Variants in CYLC1 observed in about 807,000 individuals in gnomAD.
The protein encoded by CYLC1 is cylicin-1.
In CYLC1, 2 loss-of-function variants were observed where a neutral mutation model predicts 31.6. The observed-to-expected ratio is 0.06, with a 90% confidence interval of 0.03 to 0.20. The LOEUF (loss-of-function observed/expected upper bound fraction) is 0.20. Ranked by LOEUF, CYLC1 falls within the 10% of genes least tolerant of loss-of-function variation. The probability of loss-of-function intolerance (pLI) is 1.00; values close to 1 mark genes in which losing one functional copy is unlikely to be tolerated. For synonymous variants in CYLC1, 185 were observed against 153.0 expected, an observed-to-expected ratio of 1.21 and a Z score of -1.54; for missense variants, 595 against 424.1, an observed-to-expected ratio of 1.40 and a Z score of -3.54.
chrX:83,879,028 A>G (rs1319400490), intron 4 of CYLC1, among the ~76,000 whole-genome samples: 1 of 109,734 alleles, frequency 9.1e-6, no homozygotes, highest in East Asian at 2.8e-4. Context: ...TACATTTGAT[A>G]TTATGTTTAT....
chrX:83,877,658 G>C (rs1226828726), intron 4 of CYLC1, among the ~76,000 whole-genome samples: 1 of 105,768 alleles, frequency 9.5e-6, no homozygotes, highest in Non-Finnish European at 1.9e-5. Context: ...TAGTTTTTCA[G>C]CTTAAGTGTT....
At chrX:83,882,479 T>C (rs1353534079) in intron 4 of CYLC1, among the ~76,000 whole-genome samples, 1 of 111,264 alleles carries the variant, frequency 9.0e-6, no homozygotes, top group African/African-American at 3.3e-5. Context: ...CTGAATATTA[T>C]GGTCTTGTCT....
intron 4 of CYLC1, among the ~76,000 whole-genome samples, chrX:83,886,271 A>G (rs947520191): frequency 4.5e-5 from 5 of 111,573 alleles, no homozygotes; most frequent in African/African-American, 1.6e-4. Flanking sequence ...TTGGACTACC[A>G]TTCAGTACTT....
At chrX:83,865,745 C>A (rs2031584078) in intron 1 of CYLC1, among the ~76,000 whole-genome samples, 1 of 111,264 alleles carries the variant, frequency 9.0e-6, no homozygotes, top group African/African-American at 3.3e-5. Flanking sequence ...TGCATTTCTT[C>A]TGTAATCAAA....
intron 1 of CYLC1, among the ~76,000 whole-genome samples, chrX:83,864,233 A>G (rs761958446): frequency 8.9e-6 from 1 of 111,949 alleles, no homozygotes; most frequent in African/African-American, 3.2e-5. Flanking sequence ...GTTAGAACTT[A>G]AATATAAATT....
At position 83,871,432 on chromosome X, in the gene CYLC1, T is replaced by C. The variant is rs754971866; in HGVS notation, c.59-20T>C. On this transcript the variant is annotated intron_variant, in intron 2 of 4. Transcript: ENST00000329312. The stretch of plus-strand genomic sequence containing the variant: ...AATCTGACATTAACTCCAAATTGTT[T>C]ATTATCCTTTCTCATTTAGTCAGTG... 4 of 1,138,131 alleles carry C rather than the reference T, an allele frequency of 3.5e-6. No homozygotes were observed. The East Asian group carries it at 1.2e-4, about 34-fold the overall frequency. The allele number at this position is 1,138,131 out of a possible 1,213,427, so 93.8% of individuals were successfully genotyped here. A position where few individuals can be genotyped will look rare whatever the true frequency, so the allele number is the denominator to read the frequency against.
At chrX:83,876,277 T>C (rs941895453) in intron 4 of CYLC1, among the ~76,000 whole-genome samples, 3 of 110,402 alleles carry the variant, frequency 2.7e-5, no homozygotes, top group African/African-American at 6.6e-5. Context: ...CTAGGTGATA[T>C]CTTCTTTCTC....
rs767603089 is a variant in CYLC1 at position 83,873,872 on chromosome X, G to A, written c.1164G>A (p.Lys388=). ...KDARNDSRNL[K]KASKNDDKKK... ...CAAGAAATGATTCAAGAAATTTGAA[G>A]AAAGCTTCAAAGAATGATGACAAGA... Residue 388 remains lysine, a synonymous_variant, in exon 4 of 5, where the codon AAG becomes AAA. Transcript: ENST00000329312. 90 of 1,195,265 alleles carry A rather than the reference G, an allele frequency of 7.5e-5. No homozygotes were observed. Among genetic ancestry groups the A allele is most frequent in the East Asian group, 6.4e-4 (21 of 33,069 alleles).
intron 3 of CYLC1, among the ~76,000 whole-genome samples, chrX:83,872,309 G>A (rs1470634677): frequency 1.8e-5 from 2 of 110,268 alleles, no homozygotes; most frequent in Non-Finnish European, 3.8e-5. Flanking sequence ...ACAAGTTAAT[G>A]TGAATCAAGC....
Position 83,873,823 on chromosome X carries a change from C to T in CYLC1, c.1115C>T (p.Thr372Ile). ...AAGAAGTACCCAGAGTCTACTGATACTGAATCAGGAGATGCAAAGGATGCA... is the reference window on the plus strand; with the variant it reads ...AAGAAGTACCCAGAGTCTACTGATATTGAATCAGGAGATGCAAAGGATGCA... ...DTKKYPESTD[T>I]ESGDAKDARN... Residue 372 changes from threonine (T) to isoleucine (I), a missense_variant, in exon 4 of 5, where the codon ACT (threonine) becomes ATT (isoleucine). Coordinates refer to ENST00000329312, the MANE Select transcript of CYLC1 (RefSeq NM_021118.3). The T allele has an allele frequency of 8.4e-7, 1 of 1,190,228 alleles. No individual in the cohort carries two copies.
intron 4 of CYLC1, among the ~76,000 whole-genome samples, chrX:83,879,097 G>T (rs1230538603): frequency 1.8e-5 from 2 of 110,377 alleles, no homozygotes; most frequent in African/African-American, 6.6e-5. Context: ...AGATGCTAAG[G>T]TAGAAAAGTA....
intron 4 of CYLC1, among the ~76,000 whole-genome samples, chrX:83,877,331 C>T (rs974812581): frequency 3.6e-5 from 4 of 111,241 alleles, no homozygotes; most frequent in Non-Finnish European, 5.7e-5. Context: ...CCAGGCTGGT[C>T]TTGAACTCCT....
At chrX:83,866,454 T>A (rs2031594476) in intron 1 of CYLC1, among the ~76,000 whole-genome samples, 1 of 110,897 alleles carries the variant, frequency 9.0e-6, no homozygotes, top group Non-Finnish European at 1.9e-5. Context: ...AGCACATGTT[T>A]GCAACTGAGT....
chrX:83,863,734 A>G (rs990081276), intron 1 of CYLC1, among the ~76,000 whole-genome samples: 1 of 111,854 alleles, frequency 8.9e-6, no homozygotes, highest in African/African-American at 3.3e-5. Flanking sequence ...TCTTTACCCC[A>G]ACACCACACC....
chrX:83,862,567 GAA>G (rs1236893370), intron 1 of CYLC1, among the ~76,000 whole-genome samples: 5 of 111,447 alleles, frequency 4.5e-5, no homozygotes, highest in African/African-American at 1.6e-4. Context: ...GAAAAGAAAA[GAA>G]AAAGAGTGAT....
intron 4 of CYLC1, among the ~76,000 whole-genome samples, chrX:83,883,584 C>G (rs942830954): frequency 1.8e-5 from 2 of 111,812 alleles, no homozygotes; most frequent in African/African-American, 6.5e-5. Context: ...AATAGGAACA[C>G]TCAAAATATT....
intron 4 of CYLC1, among the ~76,000 whole-genome samples, chrX:83,880,964 G>T (rs1188705947): frequency 8.9e-6 from 1 of 111,822 alleles, no homozygotes; most frequent in African/African-American, 3.2e-5. Flanking sequence ...TTCTGAGCAT[G>T]CAGAGGTTAC....
At chrX:83,875,668 G>A (rs1250093617) in intron 4 of CYLC1, among the ~76,000 whole-genome samples, 1 of 111,436 alleles carries the variant, frequency 9.0e-6, no homozygotes, top group Non-Finnish European at 1.9e-5. Context: ...CTCCTCCCAC[G>A]ACATGTGTGA....
At chrX:83,862,397 G>T (rs2031524441) in intron 1 of CYLC1, among the ~76,000 whole-genome samples, 1 of 104,343 alleles carries the variant, frequency 9.6e-6, no homozygotes, top group Admixed American at 1.0e-4. Flanking sequence ...AAAAAAATCA[G>T]CCGGGCGTGG....
Sources: gnomAD v4.1 joint callset for allele counts (sites outside exome capture counted in the v4.1 genomes callset) on GRCh38, gnomAD v4.1.1 for gene constraint, MANE v1.5 for transcripts, NCBI Gene and HGNC (gene_info 2026-07-23, HGNC 2026-07-21) for gene names.